Variants in ADAMTS3 observed in about 807,000 individuals in gnomAD.
The protein encoded by ADAMTS3 is A disintegrin and metalloproteinase with thrombospondin motifs 3.
ADAMTS3 carries 73 observed loss-of-function variants against 129.0 expected under a neutral mutation model. The observed-to-expected ratio is 0.57, with a 90% confidence interval of 0.47 to 0.69. ADAMTS3 has a LOEUF of 0.69. Among genes scored for constraint, ADAMTS3 ranks in the 30% least tolerant of loss-of-function variants. The pLI, the probability that ADAMTS3 is intolerant of heterozygous loss-of-function variation, is 0.00. For synonymous variants in ADAMTS3, 477 were observed against 510.8 expected (o/e 0.93, Z 0.89); for missense variants, 1,457 against 1,514.5 (o/e 0.96, Z 0.63).
chr4:72,418,857 G>A (rs756797755), intron 3 of ADAMTS3, among the ~76,000 whole-genome samples: 74 of 152,164 alleles, frequency 4.9e-4, no homozygotes, highest in Non-Finnish European at 1.0e-3. Context: ...CGTCATCTGC[G>A]CTGCCCACCA....
chr4:72,364,087 T>C (rs34869530), intron 4 of ADAMTS3, among the ~76,000 whole-genome samples: 86,488 of 151,930 alleles, frequency 0.57, 28,960 homozygotes, highest in Non-Finnish European at 0.77. Flanking sequence ...AGCAAGGGCA[T>C]GAAAAGTCAG....
chr4:72,293,748 C>T (rs1183498904), intron 19 of ADAMTS3, among the ~76,000 whole-genome samples: 1 of 151,954 alleles, frequency 6.6e-6, no homozygotes, highest in Non-Finnish European at 1.5e-5. Context: ...CATAGAAATC[C>T]TCTAACATAA....
chr4:72,520,671 C>T (rs963243068), intron 3 of ADAMTS3, among the ~76,000 whole-genome samples: 5 of 152,166 alleles, frequency 3.3e-5, no homozygotes, highest in African/African-American at 1.2e-4. Context: ...TCTCCTGGTG[C>T]GCTGTTTCCT....
chr4:72,329,600 G>A (rs1719791544), intron 5 of ADAMTS3, among the ~76,000 whole-genome samples: 3 of 152,072 alleles, frequency 2.0e-5, no homozygotes, highest in African/African-American at 7.2e-5. Flanking sequence ...GTTGTGTTTT[G>A]TTGTTGTTGC....
intron 4 of ADAMTS3, among the ~76,000 whole-genome samples, chr4:72,403,201 G>A (rs900639426): frequency 6.6e-6 from 1 of 152,014 alleles, no homozygotes; most frequent in Admixed American, 6.6e-5. Context: ...TACTGAGTGA[G>A]GCCTGGACAT....
Position 72,312,374 on chromosome 4 carries a change from C to G in ADAMTS3, c.1838G>C (p.Arg613Thr). The change falls in exon 13 of 22, where the codon AGA (arginine) becomes ACA (threonine). Residue 613 changes from arginine to threonine, a missense_variant. Arg to Thr is a moderately conservative substitution (Grantham distance 71). Transcript: ENST00000286657. ...GTTTCGCTGCTGACACTGCTGTGCT[C>G]TGAAGTCCTCAAAGTGTTTTTGGCA... Reference protein sequence around the residue: ...EECQKHFEDFRAQQCQQRNSH... With the variant: ...EECQKHFEDFTAQQCQQRNSH... The G allele has an allele frequency of 6.2e-7, 1 of 1,613,792 alleles. No homozygotes were observed. The highest frequency in any genetic ancestry group is 8.5e-7 in the Non-Finnish European group (1 of 1,179,808).
chr4:72,447,401 A>G (rs577769161), intron 3 of ADAMTS3, among the ~76,000 whole-genome samples: 1 of 151,868 alleles, frequency 6.6e-6, no homozygotes, highest in East Asian at 2.0e-4. Flanking sequence ...ATTGATAATT[A>G]TTTAAACAAA....
In ADAMTS3 at chr4:72,417,931, T is replaced by TTAAAAAAAAAAAAA. The variant is rs76545577; in HGVS notation, c.505-2961_505-2960insTTTTTTTTTTTTTA. ...CTGGGCGACAGAGGGAGACTCCATC[T>TTAAAAAAAAAAAAA]CAAAAAAAAAAAAGTAAGTACTTTA... On this transcript the variant is annotated intron_variant, in intron 3 of 21. Coordinates refer to ENST00000286657, the MANE Select transcript of ADAMTS3 (RefSeq NM_014243.3). Among the ~76,000 whole-genome samples the TTAAAAAAAAAAAAA allele has an allele frequency of 1.7e-3, 175 of 100,666 alleles. 48 individuals carry two copies. The Middle Eastern group carries it at 0.034, about 19-fold the overall frequency. 66.0% of individuals were successfully genotyped at this position (100,666 alleles called of 152,430 possible).
rs1357302596 is a variant in ADAMTS3 at position 72,282,684 on chromosome 4, A to G, written c.*452T>C. On this transcript the variant is annotated 3_prime_UTR_variant, in exon 22 of 22. Coordinates refer to ENST00000286657, the MANE Select transcript of ADAMTS3 (RefSeq NM_014243.3). ...TTACACAACAGCTGCAAATTTGCTC[A>G]TACAATATTTCTAATATAGATAAAT... The G allele has an allele frequency of 6.5e-6, 1 of 153,814 alleles. No individual in the cohort carries two copies. Among genetic ancestry groups the G allele is most frequent in the Non-Finnish European group, 1.5e-5 (1 of 68,946 alleles). 9.5% of individuals were successfully genotyped at this position (153,814 alleles called of 1,614,324 possible).
At chr4:72,541,976 G>T (rs1210310984) in intron 3 of ADAMTS3, among the ~76,000 whole-genome samples, 1 of 152,066 alleles carries the variant, frequency 6.6e-6, no homozygotes, top group African/African-American at 2.4e-5. Context: ...TAGTTAAAAT[G>T]ATTAACTTTT....
intron 3 of ADAMTS3, among the ~76,000 whole-genome samples, chr4:72,530,782 TTATACATTA>T (rs1721016343): frequency 1.0e-5 from 1 of 97,626 alleles, no homozygotes; most frequent in East Asian, 2.5e-4. Context: ...ATATATTATA[TTATACATTA>T]TATATTATAT....
intron 3 of ADAMTS3, among the ~76,000 whole-genome samples, chr4:72,526,733 C>CATATATATAT (rs36097990): frequency 2.0e-5 from 2 of 99,100 alleles, no homozygotes; most frequent in South Asian, 3.6e-4. Context: ...TATATACATA[C>CATATATATAT]ATATATATAT....
At position 72,419,210 on chromosome 4, in the gene ADAMTS3, T is replaced by C. The variant is rs569815712; in HGVS notation, c.505-4239A>G. The stretch of plus-strand genomic sequence containing the variant: ...CCTTAACACAAATTTCAAGGGTGTA[T>C]TCAGCTGAATGTGAAATTTATGGTT... On this transcript the variant is annotated intron_variant, in intron 3 of 21. Coordinates refer to ENST00000286657, the MANE Select transcript of ADAMTS3 (RefSeq NM_014243.3). 2.0e-5 allele frequency among the ~76,000 whole-genome samples: 3 copies of C among 152,304 alleles called. No individual in the cohort carries two copies. In the East Asian group the frequency reaches 5.8e-4, roughly 29 times the overall value.
chr4:72,349,462 A>G (rs1720370261), intron 4 of ADAMTS3, among the ~76,000 whole-genome samples: 1 of 152,064 alleles, frequency 6.6e-6, no homozygotes, highest in Non-Finnish European at 1.5e-5. Context: ...AAAGTCTAGT[A>G]ACTTATCACA....
intron 3 of ADAMTS3, among the ~76,000 whole-genome samples, chr4:72,417,394 T>G (rs2109929317): frequency 6.6e-6 from 1 of 152,266 alleles, no homozygotes; most frequent in South Asian, 2.1e-4. Flanking sequence ...TCTCCATACC[T>G]GCTATGGCAA....
chr4:72,509,840 T>C (rs1720266529), intron 3 of ADAMTS3, among the ~76,000 whole-genome samples: 1 of 151,562 alleles, frequency 6.6e-6, no homozygotes, highest in Non-Finnish European at 1.5e-5. Flanking sequence ...GTATGTCTGA[T>C]GGATACTGAC....
intron 10 of ADAMTS3, 53 bp downstream of exon 10, chr4:72,318,519 C>G: frequency 6.3e-7 from 1 of 1,590,524 alleles, no homozygotes; most frequent in Non-Finnish European, 8.6e-7. Context: ...CAAGCAGGAG[C>G]TACACAAATA....
intron 9 of ADAMTS3, 33 bp from the exon 10 acceptor site, chr4:72,318,737 T>C: frequency 1.9e-6 from 3 of 1,596,160 alleles, no homozygotes; most frequent in Admixed American, 1.7e-5. Flanking sequence ...TGTAGTTAAA[T>C]GTTCACTTAA....
chr4:72,437,916 C>T (rs900391756), intron 3 of ADAMTS3, among the ~76,000 whole-genome samples: 5 of 151,622 alleles, frequency 3.3e-5, no homozygotes, highest in African/African-American at 7.3e-5. Context: ...AAAACACCCT[C>T]GATAAGATTT....
Sources: allele counts gnomAD v4.1 joint callset (sites outside exome capture counted in the v4.1 genomes callset), GRCh38; gene constraint gnomAD v4.1.1; transcripts MANE v1.5; gene names NCBI Gene and HGNC (gene_info 2026-07-23, HGNC 2026-07-21).